Variants in NR2C1 observed in about 807,000 individuals in gnomAD.
NR2C1 encodes TR2 nuclear hormone receptor.
In NR2C1, 33 loss-of-function variants were observed where a neutral mutation model predicts 74.8. The ratio of observed to expected loss-of-function variants is 0.44; its 90% CI spans 0.33 to 0.59. NR2C1 has a LOEUF of 0.59. Among genes scored for constraint, NR2C1 ranks in the 20% least tolerant of loss-of-function variants. NR2C1 has a pLI of 0.02. For missense variants in NR2C1, 568 were observed against 715.6 expected, an observed-to-expected ratio of 0.79 and a Z score of 2.35; for synonymous variants, 225 against 240.6, an observed-to-expected ratio of 0.94 and a Z score of 0.60.
intron 10 of NR2C1, among the ~76,000 whole-genome samples, chr12:95,031,706 A>G (rs1004555882): frequency 6.6e-6 from 1 of 152,218 alleles, no homozygotes; most frequent in African/African-American, 2.4e-5. Context: ...CAGCCAGTTT[A>G]TAAGAACAAT....
intron 8 of NR2C1, 58 bp downstream of exon 8, chr12:95,051,704 T>C (rs1873028476): frequency 1.2e-5 from 17 of 1,432,528 alleles, no homozygotes; most frequent in Middle Eastern, 3.7e-4. Flanking sequence ...AAAAATGTTT[T>C]AAGAAATACT....
chr12:95,065,458 A>G (rs560233912), intron 2 of NR2C1, among the ~76,000 whole-genome samples: 28 of 152,266 alleles, frequency 1.8e-4, no homozygotes, highest in African/African-American at 6.5e-4. Flanking sequence ...ATTAAATGTT[A>G]ACATAATTTT....
intron 1 of NR2C1, 138 bp downstream of exon 1, chr12:95,073,242 A>C (rs1175092110): frequency 6.6e-6 from 1 of 152,228 alleles, no homozygotes; most frequent in Non-Finnish European, 1.5e-5. Flanking sequence ...GGCGCTCCCA[A>C]ACTGAACGGC....
At chr12:95,053,806 C>T (rs955439686) in intron 7 of NR2C1, among the ~76,000 whole-genome samples, 1 of 151,460 alleles carries the variant, frequency 6.6e-6, no homozygotes, top group African/African-American at 2.4e-5. Context: ...GCCTCAGCCT[C>T]CTGAGGAGCT....
intron 9 of NR2C1, among the ~76,000 whole-genome samples, chr12:95,042,571 C>T (rs17023594): frequency 0.021 from 3,155 of 152,040 alleles, 102 homozygotes; most frequent in African/African-American, 0.072. Context: ...TATCTTCTAT[C>T]TAAAAGGCTT....
At position 95,022,194 on chromosome 12, in the gene NR2C1, G is replaced by A. The variant is rs540393550; in HGVS notation, c.*35C>T. Reference sequence around the variant, plus strand: ...ATTTGGTGTCTTGTGTTCTGGCAAAGAACAGTTAAGTTTACAGCACTGCAG... The same window carrying A: ...ATTTGGTGTCTTGTGTTCTGGCAAAAAACAGTTAAGTTTACAGCACTGCAG... On this transcript the variant is annotated 3_prime_UTR_variant, in exon 14 of 14. Transcript: ENST00000333003. The A allele has an allele frequency of 1.3e-5, 20 of 1,533,818 alleles. No homozygotes were observed. The highest frequency in any genetic ancestry group is 1.5e-5 in the Non-Finnish European group (17 of 1,142,972).
chr12:95,072,853 A>C (rs1184653922), intron 1 of NR2C1: 1 of 152,296 alleles, frequency 6.6e-6, no homozygotes, highest in Non-Finnish European at 1.5e-5. Context: ...AGAAAAGTGA[A>C]AGTGGGGGGA....
intron 11 of NR2C1, 84 bp downstream of exon 11, chr12:95,031,265 T>C (rs969859853): frequency 8.7e-5 from 99 of 1,138,724 alleles, no homozygotes; most frequent in Admixed American, 1.4e-4. Context: ...TAATAATTAT[T>C]AGATATCTAA....
chr12:95,024,055 G>C (rs1869062311), intron 13 of NR2C1, among the ~76,000 whole-genome samples: 1 of 152,078 alleles, frequency 6.6e-6, no homozygotes, highest in Non-Finnish European at 1.5e-5. Flanking sequence ...AAATTACTCA[G>C]CTTTTACAGA....
At chr12:95,046,169 T>C (rs1872285879) in intron 9 of NR2C1, among the ~76,000 whole-genome samples, 1 of 152,204 alleles carries the variant, frequency 6.6e-6, no homozygotes, top group South Asian at 2.1e-4. Context: ...ACTACTGCCC[T>C]TGATTTTTCA....
At chr12:95,067,100 CCTTT>C (rs1185542955) in intron 2 of NR2C1, 2 of 556,718 alleles carry the variant, frequency 3.6e-6, no homozygotes, top group Non-Finnish European at 3.1e-6. Flanking sequence ...TCCCTTCATT[CCTTT>C]CAATTTTCTT....
intron 1 of NR2C1, among the ~76,000 whole-genome samples, chr12:95,069,762 CCATCCATCCATGCATCTATG>C (rs1261636746): frequency 1.3e-5 from 2 of 152,130 alleles, no homozygotes; most frequent in African/African-American, 4.8e-5. Context: ...AAACATTAAT[CCATCCATCCATGCATCTATG>C]CATCCATGCA....
intron 8 of NR2C1, among the ~76,000 whole-genome samples, chr12:95,050,492 A>G (rs569370817): frequency 6.6e-6 from 1 of 152,144 alleles, no homozygotes; most frequent in Non-Finnish European, 1.5e-5. Flanking sequence ...CATTTTTAGT[A>G]GAGATGGGGT....
chr12:95,060,087 C>G, intron 3 of NR2C1, 103 bp from the exon 4 acceptor site: 1 of 895,204 alleles, frequency 1.1e-6, no homozygotes, highest in East Asian at 2.7e-5. Context: ...GTTGGTCTTG[C>G]TTTGTTGCTT....
In NR2C1 at chr12:95,061,854, T is replaced by G. The variant is rs138476450; in HGVS notation, c.285+654A>C. ...TGTGGTGTATAAAAGTTTTTGAGTC[T>G]TTGAAGAATAATGTGTAATTTTCTA... On this transcript the variant is annotated intron_variant, in intron 3 of 13. Transcript: ENST00000333003. 8.1e-4 allele frequency among the ~76,000 whole-genome samples: 123 copies of G among 152,344 alleles called. 1 individual carries two copies. The highest frequency in any genetic ancestry group is 2.6e-3 in the African/African-American group (109 of 41,586).
chr12:95,044,761 A>G (rs895980191), intron 9 of NR2C1, among the ~76,000 whole-genome samples: 2 of 152,124 alleles, frequency 1.3e-5, no homozygotes, highest in Admixed American at 6.5e-5. Flanking sequence ...GCATGCCTGT[A>G]GTCCCAGCTA....
intron 2 of NR2C1, among the ~76,000 whole-genome samples, chr12:95,066,713 G>T (rs1209911242): frequency 6.6e-6 from 1 of 152,090 alleles, no homozygotes. Context: ...ATTGAGTTAT[G>T]TACACCTTAT....
intron 1 of NR2C1, 82 bp from the exon 2 acceptor site, chr12:95,067,473 T>G: frequency 9.1e-7 from 1 of 1,100,068 alleles, no homozygotes; most frequent in Non-Finnish European, 1.3e-6. Flanking sequence ...CTATATGATA[T>G]TTAAGATTTG....
At chr12:95,064,512 T>G (rs928780166) in intron 2 of NR2C1, among the ~76,000 whole-genome samples, 13 of 151,998 alleles carry the variant, frequency 8.6e-5, no homozygotes, top group African/African-American at 2.7e-4. Context: ...TATATATTAT[T>G]TATTTATTTT....
Sources: gnomAD v4.1 joint callset for allele counts (sites outside exome capture counted in the v4.1 genomes callset) on GRCh38, gnomAD v4.1.1 for gene constraint, MANE v1.5 for transcripts, NCBI Gene and HGNC (gene_info 2026-07-23, HGNC 2026-07-21) for gene names.